ZDHHC21: variants seen among roughly 807,000 people sequenced by gnomAD.
ZDHHC21 encodes the protein palmitoyltransferase ZDHHC21.
A neutral mutation model predicts 34.6 loss-of-function variants in ZDHHC21; 15 were observed. The ratio of observed to expected loss-of-function variants is 0.43; its 90% CI spans 0.29 to 0.67. The LOEUF (loss-of-function observed/expected upper bound fraction) is 0.67, where lower values mean the gene tolerates loss of function less well. Ranked by LOEUF, ZDHHC21 falls within the 30% of genes least tolerant of loss-of-function variation. The pLI is 0.14. For synonymous variants in ZDHHC21, 142 were observed against 101.8 expected (o/e 1.40, Z -2.38); for missense variants, 344 against 327.7 (o/e 1.05, Z -0.38).
intron 5 of ZDHHC21, among the ~76,000 whole-genome samples, chr9:14,667,477 G>A (rs1834673116): frequency 6.7e-6 from 1 of 150,052 alleles, no homozygotes; most frequent in African/African-American, 2.5e-5. Context: ...AGAAAAAGAG[G>A]GAATCCTCCC....
At chr9:14,600,492 G>A in the ZDHHC21 span, among the ~76,000 whole-genome samples, 6 of 152,316 alleles carry the variant, frequency 3.9e-5, no homozygotes, top group South Asian at 1.2e-3. Context: ...ACTGCTCAAG[G>A]AAATCAGAGA....
chr9:14,639,020 A>G (rs1195730647), intron 8 of ZDHHC21, among the ~76,000 whole-genome samples: 1 of 152,108 alleles, frequency 6.6e-6, no homozygotes, highest in Non-Finnish European at 1.5e-5. Flanking sequence ...TCCAAAGGAA[A>G]AAAAACAATC....
In ZDHHC21 at chr9:14,640,012, C is replaced by A; in HGVS notation, c.505G>T (p.Asp169Tyr). The change falls in exon 8 of 10, where the codon GAC (aspartate) becomes TAC (tyrosine). Residue 169 changes from aspartate (D) to tyrosine (Y), a missense_variant and splice_region_variant. Asp to Tyr is a radical substitution (Grantham distance 160). Transcript: ENST00000380916. ...YFLPLKKRNL[D>Y]LFVFRHELAI... ...AATTCATGTCTAAAAACAAAGAGGT[C>A]CTAAAAAGAAAAAGAAAGTCTTAAA... 1 of 1,576,428 alleles carries A rather than the reference C, an allele frequency of 6.3e-7. No homozygotes were observed. The highest frequency in any genetic ancestry group is 8.6e-7 in the Non-Finnish European group (1 of 1,157,948).
intron 3 of ZDHHC21, among the ~76,000 whole-genome samples, chr9:14,676,341 T>G (rs114349564): frequency 0.013 from 2,004 of 151,890 alleles, 54 homozygotes; most frequent in African/African-American, 0.046. Context: ...CAATTCATAA[T>G]CAATTGAAAA....
intron 8 of ZDHHC21, among the ~76,000 whole-genome samples, chr9:14,628,047 T>C (rs1369818710): frequency 6.6e-6 from 1 of 152,162 alleles, no homozygotes; most frequent in Non-Finnish European, 1.5e-5. Context: ...TATTCCAATA[T>C]AAATTGTAGT....
At chr9:14,638,250 T>C (rs1828661395) in intron 8 of ZDHHC21, among the ~76,000 whole-genome samples, 1 of 152,116 alleles carries the variant, frequency 6.6e-6, no homozygotes, top group African/African-American at 2.4e-5. Flanking sequence ...CAACTGATTT[T>C]TGACAAAGGC....
At chr9:14,654,394 T>C (rs963845333) in intron 7 of ZDHHC21, among the ~76,000 whole-genome samples, 1 of 32,938 alleles carries the variant, frequency 3.0e-5, no homozygotes, top group Admixed American at 1.8e-4. Flanking sequence ...TCTTATATCC[T>C]ATCAAAAAAA....
chr9:14,668,463 G>C (rs1834883211), intron 5 of ZDHHC21, among the ~76,000 whole-genome samples: 1 of 64,418 alleles, frequency 1.6e-5, no homozygotes, highest in Non-Finnish European at 3.0e-5. Flanking sequence ...TCCCCATCAA[G>C]CTACCAATGA....
chr9:14,622,468 G>A, intron 8 of ZDHHC21: 1 of 961,642 alleles, frequency 1.0e-6, no homozygotes, highest in Non-Finnish European at 1.2e-6. Context: ...CTTGATGTTA[G>A]GAAAATGAGA....
chr9:14,649,114 A>T (rs1360714095), intron 7 of ZDHHC21, among the ~76,000 whole-genome samples: 1 of 151,988 alleles, frequency 6.6e-6, no homozygotes, highest in African/African-American at 2.4e-5. Flanking sequence ...AGCTGCGACA[A>T]CCAAAAACAT....
intron 8 of ZDHHC21, among the ~76,000 whole-genome samples, chr9:14,630,378 G>A (rs1432924493): frequency 2.6e-5 from 4 of 152,000 alleles, no homozygotes; most frequent in East Asian, 1.9e-4. Flanking sequence ...GTAGCAATTC[G>A]GTCACATCTT....
At chr9:14,631,215 C>G (rs957100009) in intron 8 of ZDHHC21, among the ~76,000 whole-genome samples, 1 of 152,212 alleles carries the variant, frequency 6.6e-6, no homozygotes, top group African/African-American at 2.4e-5. Flanking sequence ...TAATTTGTTG[C>G]AACTTCTACA....
At position 14,614,189 on chromosome 9, in the gene ZDHHC21, G is replaced by C. The variant is rs1244978683; in HGVS notation, c.*4777C>G. The C allele has an allele frequency of 1.3e-5, 2 of 151,726 alleles. No individual in the cohort carries two copies. The highest frequency in any genetic ancestry group is 3.0e-5 in the Non-Finnish European group (2 of 67,758). The allele number at this position is 151,726 out of a possible 1,614,324, so 9.4% of individuals were successfully genotyped here. A position where few individuals can be genotyped will look rare whatever the true frequency, so the allele number is the denominator to read the frequency against. ...TCTAGCCTTCTCTCCATCTTAGTAAGTTTGTGGATACTCACTACTCATTTG... is the reference window on the plus strand; with the variant it reads ...TCTAGCCTTCTCTCCATCTTAGTAACTTTGTGGATACTCACTACTCATTTG... On this transcript the variant is annotated 3_prime_UTR_variant, in exon 10 of 10. Coordinates refer to ENST00000380916, the MANE Select transcript of ZDHHC21 (RefSeq NM_178566.6).
rs1312700919 is a variant in ZDHHC21 at position 14,611,893 on chromosome 9, A to C, written c.*7073T>G. 1 of 151,986 alleles carries C rather than the reference A, an allele frequency of 6.6e-6. No individual in the cohort carries two copies. The highest frequency in any genetic ancestry group is 1.5e-5 in the Non-Finnish European group (1 of 67,934). 9.4% of individuals were successfully genotyped at this position (151,986 alleles called of 1,614,324 possible). ...TAGTTGCTTTATTCTTACATATATG[A>C]AGTAGAATTTTTTTTCTTTTATATG... On this transcript the variant is annotated 3_prime_UTR_variant, in exon 10 of 10. Transcript: ENST00000380916.
intron 5 of ZDHHC21, among the ~76,000 whole-genome samples, chr9:14,672,590 T>C (rs1044455346): frequency 6.6e-6 from 1 of 151,932 alleles, no homozygotes; most frequent in Admixed American, 6.6e-5. Flanking sequence ...ACAATTACCA[T>C]GAGGATCATA....
chr9:14,604,223 C>T, the ZDHHC21 span, among the ~76,000 whole-genome samples: 1 of 152,052 alleles, frequency 6.6e-6, no homozygotes, highest in East Asian at 1.9e-4. Flanking sequence ...GATGCACATA[C>T]CTTACCATTC....
At position 14,612,044 on chromosome 9, in the gene ZDHHC21, G is replaced by C. The variant is rs1200671858; in HGVS notation, c.*6922C>G. ...AGCCAAATTACTCAGAATCAATACA[G>C]TGGCAACACAATCTAGGGAATATTG... On this transcript the variant is annotated 3_prime_UTR_variant, in exon 10 of 10. Transcript: ENST00000380916. The C allele has an allele frequency of 6.6e-6, 1 of 151,954 alleles. No individual in the cohort carries two copies. Among genetic ancestry groups the C allele is most frequent in the Non-Finnish European group, 1.5e-5 (1 of 67,930 alleles). 9.4% of individuals were successfully genotyped at this position (151,954 alleles called of 1,614,324 possible). A position where few individuals can be genotyped will look rare whatever the true frequency, so the allele number is the denominator to read the frequency against.
rs1761950855 is a variant in ZDHHC21, at chr9:14,690,376, G to A, written c.-215C>T. On this transcript the variant is annotated 5_prime_UTR_variant, in exon 2 of 10. Coordinates refer to ENST00000380916, the MANE Select transcript of ZDHHC21 (RefSeq NM_178566.6). ...TGAAAATCCTGCAGTAAGTGAAAAA[G>A]TTCTTCATTCTGTAATTACAGATAA... 1 of 455,870 alleles carries A rather than the reference G, an allele frequency of 2.2e-6. No homozygotes were observed. Among genetic ancestry groups the A allele is most frequent in the Non-Finnish European group, 4.4e-6 (1 of 226,664 alleles). 28.2% of individuals were successfully genotyped at this position (455,870 alleles called of 1,614,324 possible). A position where few individuals can be genotyped will look rare whatever the true frequency, so the allele number is the denominator to read the frequency against.
intron 8 of ZDHHC21, among the ~76,000 whole-genome samples, chr9:14,637,727 G>A (rs1400028698): frequency 1.3e-5 from 2 of 151,758 alleles, no homozygotes; most frequent in South Asian, 2.1e-4. Context: ...AATCAGTAGC[G>A]TTTCTATACA....
Sources: gnomAD v4.1 joint callset for allele counts (sites outside exome capture counted in the v4.1 genomes callset) on GRCh38, gnomAD v4.1.1 for gene constraint, MANE v1.5 for transcripts, NCBI Gene and HGNC (gene_info 2026-07-23, HGNC 2026-07-21) for gene names.